SOAT1: variants seen among roughly 807,000 people sequenced by gnomAD.
SOAT1 encodes the protein acyl-coenzyme A:cholesterol acyltransferase 1.
In SOAT1, 55 loss-of-function variants were observed where a neutral mutation model predicts 69.5. The ratio of observed to expected loss-of-function variants is 0.79; its 90% confidence interval spans 0.64 to 0.99. The LOEUF (loss-of-function observed/expected upper bound fraction) is 0.99, where lower values mean the gene tolerates loss of function less well. Ranked by LOEUF, SOAT1 falls within the 50% of genes least tolerant of loss-of-function variation. SOAT1 has a pLI of 0.00. For missense variants in SOAT1, 580 were observed against 669.3 expected (o/e 0.87, Z 1.47); for synonymous variants, 231 against 224.7 (o/e 1.03, Z -0.25).
At chr1:179,353,208 AATAT>A (rs200860761) in intron 15 of SOAT1, among the ~76,000 whole-genome samples, 2 of 8,214 alleles carry the variant, frequency 2.4e-4, no homozygotes, top group Admixed American at 1.1e-3. Context: ...GTTATATATA[AATAT>A]ATATATATAT....
At chr1:179,321,591 C>G (rs1665606352) in intron 2 of SOAT1, among the ~76,000 whole-genome samples, 1 of 152,234 alleles carries the variant, frequency 6.6e-6, no homozygotes, top group Non-Finnish European at 1.5e-5. Flanking sequence ...TCCTCCATCT[C>G]TAGCGCAGCT....
chr1:179,348,733 A>C, intron 12 of SOAT1, 111 bp from the exon 13 acceptor site: 1 of 683,600 alleles, frequency 1.5e-6, no homozygotes. Context: ...TTCTTTGGGA[A>C]GTCAGGGGGG....
Position 179,323,432 on chromosome 1 carries a change from CG to C in SOAT1, c.119-4del. On this transcript the variant is annotated splice_region_variant and splice_polypyrimidine_tract_variant and intron_variant, in intron 2 of 15. Transcript: ENST00000367619. ...CTTAAAAGTCATGTTTTTTTCTTCC[CG>C]TAGGTCGAATTGACATAAAACAGTT... 1 of 1,612,262 alleles carries C rather than the reference CG, an allele frequency of 6.2e-7. No individual in the cohort carries two copies. Among genetic ancestry groups the C allele is most frequent in the Non-Finnish European group, 8.5e-7 (1 of 1,179,162 alleles).
chr1:179,311,896 T>C (rs1341569637), intron 2 of SOAT1, among the ~76,000 whole-genome samples: 1 of 152,200 alleles, frequency 6.6e-6, no homozygotes, highest in African/African-American at 2.4e-5. Context: ...GGTTGAACTT[T>C]TTGAATAGGG....
rs1553248472 is a variant in SOAT1 at position 179,349,346 on chromosome 1, T to TGA, written c.1314+410_1314+411dup. Among the ~76,000 whole-genome samples the TGA allele has an allele frequency of 6.0e-4, 88 of 146,594 alleles. 1 individual carries two copies. Among genetic ancestry groups the TGA allele is most frequent in the East Asian group, 2.7e-3 (13 of 4,756 alleles). Reference sequence around the variant, plus strand: ...GAGAAACACTTTTTTTTTTTTTTTTTGAGAGAGTTTCGCTCTTGTTGCCCA... The same window carrying TGA: ...GAGAAACACTTTTTTTTTTTTTTTTTGAGAGAGAGTTTCGCTCTTGTTGCCCA... On this transcript the variant is annotated intron_variant, in intron 13 of 15. Transcript: ENST00000367619.
chr1:179,336,598 C>T (rs542444805), intron 4 of SOAT1, among the ~76,000 whole-genome samples: 12 of 152,182 alleles, frequency 7.9e-5, no homozygotes, highest in Admixed American at 5.9e-4. Context: ...TGTAGCTATC[C>T]GCATGTTACA....
At chr1:179,342,634 CT>C (rs1168452825) in intron 8 of SOAT1, among the ~76,000 whole-genome samples, 1 of 152,118 alleles carries the variant, frequency 6.6e-6, no homozygotes, top group African/African-American at 2.4e-5. Flanking sequence ...CAAATTGTTG[CT>C]TCACACTCTA....
chr1:179,337,920 AAT>A (rs772478385), intron 5 of SOAT1, 24 bp downstream of exon 5: 1 of 1,530,610 alleles, frequency 6.5e-7, no homozygotes, highest in African/African-American at 1.4e-5. Context: ...GTTGTTTTTA[AAT>A]ATGTTTGATT....
intron 10 of SOAT1, among the ~76,000 whole-genome samples, chr1:179,344,348 A>T (rs1571452191): frequency 0.011 from 43 of 3,818 alleles, no homozygotes; most frequent in Non-Finnish European, 0.017. Context: ...TTCTTTCATT[A>T]AGGGGTTTTT....
intron 2 of SOAT1, among the ~76,000 whole-genome samples, chr1:179,308,504 T>C (rs1665100516): frequency 1.3e-5 from 2 of 151,858 alleles, no homozygotes; most frequent in Non-Finnish European, 2.9e-5. Context: ...AAACCCTGTC[T>C]CTACTAAAAA....
intron 2 of SOAT1, among the ~76,000 whole-genome samples, chr1:179,306,859 A>C (rs1042549852): frequency 2.0e-5 from 3 of 148,238 alleles, no homozygotes; most frequent in Admixed American, 6.7e-5. Flanking sequence ...AAGCAGCACC[A>C]CCATATGCTG....
chr1:179,352,600 C>A (rs1482113672), intron 15 of SOAT1, among the ~76,000 whole-genome samples: 6 of 152,124 alleles, frequency 3.9e-5, no homozygotes, highest in Non-Finnish European at 8.8e-5. Context: ...ATCTCGGCAT[C>A]CTGTACTTGT....
Position 179,354,393 on chromosome 1 carries a change from T to G in SOAT1, c.*752T>G, listed in dbSNP as rs1558062467. On this transcript the variant is annotated 3_prime_UTR_variant, in exon 16 of 16. Transcript: ENST00000367619. ...AGAGGAAAAAGAAAAACATTTCCTCTTATAACTTCTGAAGTAATTTGTAAA... is the reference window on the plus strand; with the variant it reads ...AGAGGAAAAAGAAAAACATTTCCTCGTATAACTTCTGAAGTAATTTGTAAA... The G allele has an allele frequency of 6.6e-6, 1 of 152,432 alleles. No homozygotes were observed. 9.4% of individuals were successfully genotyped at this position (152,432 alleles called of 1,614,324 possible).
intron 3 of SOAT1, among the ~76,000 whole-genome samples, chr1:179,332,232 T>G (rs893707960): frequency 6.6e-6 from 1 of 152,206 alleles, no homozygotes; most frequent in East Asian, 1.9e-4. Context: ...TGAACATGTT[T>G]ACAAATCTTG....
intron 2 of SOAT1, among the ~76,000 whole-genome samples, chr1:179,308,177 A>G (rs1031400938): frequency 2.6e-5 from 4 of 152,304 alleles, no homozygotes; most frequent in Admixed American, 6.5e-5. Context: ...TTGTATATCA[A>G]CTGAGAATTA....
chr1:179,308,866 T>C (rs978543858), intron 2 of SOAT1, among the ~76,000 whole-genome samples: 18 of 152,286 alleles, frequency 1.2e-4, no homozygotes, highest in Admixed American at 1.0e-3. Flanking sequence ...AATTTGTTTC[T>C]TCTATACTTT....
At chr1:179,314,099 AT>A (rs1361715385) in intron 2 of SOAT1, among the ~76,000 whole-genome samples, 5 of 152,174 alleles carry the variant, frequency 3.3e-5, no homozygotes, top group Non-Finnish European at 5.9e-5. Context: ...TGTTTCTAGC[AT>A]TTGTTCACCA....
chr1:179,342,974 A>C, intron 9 of SOAT1, 31 bp downstream of exon 9: 1 of 1,556,252 alleles, frequency 6.4e-7, no homozygotes. Flanking sequence ...AAATGTGGTA[A>C]ACACCAAAAG....
intron 5 of SOAT1, among the ~76,000 whole-genome samples, chr1:179,338,527 GT>G (rs1462900956): frequency 1.3e-5 from 2 of 152,166 alleles, no homozygotes; most frequent in Non-Finnish European, 2.9e-5. Flanking sequence ...AAGAAGGCCG[GT>G]TTTCTAAGCA....
Sources: gnomAD v4.1 joint callset for allele counts (sites outside exome capture counted in the v4.1 genomes callset) on GRCh38, gnomAD v4.1.1 for gene constraint, MANE v1.5 for transcripts, NCBI Gene and HGNC (gene_info 2026-07-23, HGNC 2026-07-21) for gene names.